ACBD6: variants seen among roughly 807,000 people sequenced by gnomAD.
ACBD6 encodes acyl-CoA-binding domain-containing protein 6.
A neutral mutation model predicts 37.2 loss-of-function variants in ACBD6; 28 were observed. The observed-to-expected ratio is 0.75, with a 90% CI of 0.56 to 1.03. The LOEUF (loss-of-function observed/expected upper bound fraction) is 1.03, where lower values mean the gene tolerates loss of function less well. Among genes scored for constraint, ACBD6 ranks in the 50% least tolerant of loss-of-function variants. ACBD6 has a pLI of 0.00. For synonymous variants in ACBD6, 113 were observed against 126.8 expected (o/e 0.89, Z 0.73); for missense variants, 340 against 337.4 (o/e 1.01, Z -0.06).
At chr1:180,351,423 G>A (rs1193924729) in intron 6 of ACBD6, among the ~76,000 whole-genome samples, 4 of 151,672 alleles carry the variant, frequency 2.6e-5, no homozygotes, top group African/African-American at 7.3e-5. Flanking sequence ...CTACAGGTGC[G>A]TGCCACCATG....
intron 6 of ACBD6, among the ~76,000 whole-genome samples, chr1:180,374,686 C>T (rs148734278): frequency 6.6e-6 from 1 of 152,102 alleles, no homozygotes; most frequent in African/African-American, 2.4e-5. Context: ...GAATTAAAAT[C>T]ACAAAGACAC....
At chr1:180,344,839 TAAA>T (rs1478268783) in intron 6 of ACBD6, among the ~76,000 whole-genome samples, 1 of 152,126 alleles carries the variant, frequency 6.6e-6, no homozygotes, top group Non-Finnish European at 1.5e-5. Context: ...ATAATACAAA[TAAA>T]AAGAAATGCA....
intron 4 of ACBD6, among the ~76,000 whole-genome samples, chr1:180,420,371 G>A (rs1306558405): frequency 6.6e-6 from 1 of 152,132 alleles, no homozygotes; most frequent in African/African-American, 2.4e-5. Flanking sequence ...CAGGCATGAC[G>A]GTTTTCACCG....
chr1:180,413,758 A>G (rs574991650), intron 4 of ACBD6, among the ~76,000 whole-genome samples: 1 of 152,326 alleles, frequency 6.6e-6, no homozygotes, highest in East Asian at 1.9e-4. Flanking sequence ...TCAATTAGAC[A>G]AAAAGAGGGG....
intron 3 of ACBD6, among the ~76,000 whole-genome samples, chr1:180,436,435 G>T (rs1279060996): frequency 6.6e-6 from 1 of 152,110 alleles, no homozygotes; most frequent in Non-Finnish European, 1.5e-5. Flanking sequence ...ACACCAAAAC[G>T]TCTGCAGAGT....
At chr1:180,433,066 A>C (rs1418904307) in intron 3 of ACBD6, among the ~76,000 whole-genome samples, 1 of 152,166 alleles carries the variant, frequency 6.6e-6, no homozygotes, top group Non-Finnish European at 1.5e-5. Context: ...ATGAGGTCTT[A>C]TCCTCACATC....
chr1:180,314,795 C>T, intron 6 of ACBD6, 73 bp from the exon 7 acceptor site: 1 of 1,149,986 alleles, frequency 8.7e-7, no homozygotes, highest in Non-Finnish European at 1.3e-6. Flanking sequence ...TAAACTGTAG[C>T]AAATTTATCT....
intron 6 of ACBD6, among the ~76,000 whole-genome samples, chr1:180,332,744 T>G (rs941940117): frequency 6.6e-6 from 1 of 152,104 alleles, no homozygotes; most frequent in African/African-American, 2.4e-5. Flanking sequence ...ACAATAAATG[T>G]AATGCATTTG....
chr1:180,416,771 A>G (rs1023149590), intron 4 of ACBD6, among the ~76,000 whole-genome samples: 9 of 152,266 alleles, frequency 5.9e-5, no homozygotes, highest in African/African-American at 2.2e-4. Context: ...TCACAGGAAG[A>G]TCCTTGCCCA....
chr1:180,322,523 A>G (rs1651111831), intron 6 of ACBD6, among the ~76,000 whole-genome samples: 1 of 151,988 alleles, frequency 6.6e-6, no homozygotes, highest in South Asian at 2.1e-4. Flanking sequence ...TTCAGCTTCT[A>G]TCTTGTTATG....
intron 6 of ACBD6, among the ~76,000 whole-genome samples, chr1:180,350,822 A>G (rs530793637): frequency 3.9e-5 from 6 of 152,140 alleles, no homozygotes; most frequent in Admixed American, 3.3e-4. Context: ...ATGATCTCTC[A>G]TTATGGGATT....
downstream of ACBD6, among the ~76,000 whole-genome samples, chr1:180,286,530 C>T (rs2149275762): frequency 6.6e-6 from 1 of 152,290 alleles, no homozygotes; most frequent in Admixed American, 6.5e-5. Context: ...ATCCTGGTGA[C>T]TTCACTATAA....
intron 6 of ACBD6, among the ~76,000 whole-genome samples, chr1:180,324,778 G>A (rs994574930): frequency 1.3e-5 from 2 of 152,158 alleles, no homozygotes; most frequent in African/African-American, 4.8e-5. Flanking sequence ...TAGGACAGGT[G>A]TAGTGCTGAC....
chr1:180,378,544 G>A (rs2101924469), intron 6 of ACBD6, among the ~76,000 whole-genome samples: 1 of 152,318 alleles, frequency 6.6e-6, no homozygotes, highest in Admixed American at 6.5e-5. Flanking sequence ...GTAGTATACA[G>A]GAACTCTGCA....
At chr1:180,284,389 A>C (rs1378678489), downstream of ACBD6, among the ~76,000 whole-genome samples, 1 of 149,664 alleles carries the variant, frequency 6.7e-6, no homozygotes, top group Non-Finnish European at 1.5e-5. Context: ...TGAGAGACGG[A>C]GTCTTGCTCT....
In ACBD6 at chr1:180,449,432, C is replaced by T. The variant is rs142542162; in HGVS notation, c.385-19170G>A. ...GCACTTTTTTTTTTTTTTTTTGAGA[C>T]AGAGTCTCACTCTGTCACCCAGGCT... is the stretch of plus-strand genomic sequence containing the variant. On this transcript the variant is annotated intron_variant, in intron 3 of 7. Coordinates refer to ENST00000367595, the MANE Select transcript of ACBD6 (RefSeq NM_032360.4). Among the ~76,000 whole-genome samples, 1,395 of 140,628 alleles carry T rather than the reference C, an allele frequency of 9.9e-3. 32 individuals carry two copies. The highest frequency in any genetic ancestry group is 0.036 in the African/African-American group (1,349 of 37,152). 92.3% of individuals were successfully genotyped at this position (140,628 alleles called of 152,430 possible).
At chr1:180,422,135 T>C (rs757630254) in intron 4 of ACBD6, among the ~76,000 whole-genome samples, 2 of 152,232 alleles carry the variant, frequency 1.3e-5, no homozygotes, top group Non-Finnish European at 2.9e-5. Context: ...TTAAAAGATA[T>C]TGCACAAAAT....
At chr1:180,403,180 T>C (rs537009337) in intron 5 of ACBD6, among the ~76,000 whole-genome samples, 10 of 152,058 alleles carry the variant, frequency 6.6e-5, no homozygotes, top group African/African-American at 1.7e-4. Context: ...GTTACCTTTT[T>C]GGGATTAAAA....
At chr1:180,465,584 A>G (rs1330548904) in intron 3 of ACBD6, among the ~76,000 whole-genome samples, 1 of 152,150 alleles carries the variant, frequency 6.6e-6, no homozygotes, top group East Asian at 1.9e-4. Flanking sequence ...TAGTTCAACC[A>G]TTGAGGAAAG....
Sources: gnomAD v4.1 joint callset for allele counts (sites outside exome capture counted in the v4.1 genomes callset) on GRCh38, gnomAD v4.1.1 for gene constraint, MANE v1.5 for transcripts, NCBI Gene and HGNC (gene_info 2026-07-23, HGNC 2026-07-21) for gene names.